The following CHODL variants were observed in gnomAD, a reference collection of about 807,000 sequenced individuals.
CHODL encodes chondrolectin.
CHODL carries 29 observed loss-of-function variants against 34.5 expected under a neutral mutation model. That is an observed-to-expected ratio of 0.84 (90% CI 0.63 to 1.15). CHODL has a LOEUF of 1.15. CHODL is among the 50% of genes most tolerant of loss of function. The probability of loss-of-function intolerance (pLI) is 0.00; values close to 1 mark genes in which losing one functional copy is unlikely to be tolerated. For missense variants in CHODL, 332 were observed against 332.5 expected, an observed-to-expected ratio of 1.00 and a Z score of 0.01; for synonymous variants, 125 against 116.1, an observed-to-expected ratio of 1.08 and a Z score of -0.49.
chr21:17,972,462 A>G (rs1346725017), intron 1 of CHODL, among the ~76,000 whole-genome samples: 1 of 152,196 alleles, frequency 6.6e-6, no homozygotes, highest in Non-Finnish European at 1.5e-5. Flanking sequence ...TACAAAATCA[A>G]TGTGCAAAAA....
At chr21:18,182,136 G>A (rs1318249811) in intron 2 of CHODL, among the ~76,000 whole-genome samples, 5 of 152,084 alleles carry the variant, frequency 3.3e-5, no homozygotes, top group Admixed American at 3.3e-4. Context: ...AACCTTTTGA[G>A]GAAGTGCTGA....
chr21:18,172,665 T>C (rs1436367499), intron 2 of CHODL, among the ~76,000 whole-genome samples: 1 of 152,194 alleles, frequency 6.6e-6, no homozygotes, highest in Non-Finnish European at 1.5e-5. Flanking sequence ...TTTTTACTAG[T>C]GTTCTTATCA....
chr21:18,255,317 CA>C (rs1422925157), intron 1 of CHODL, among the ~76,000 whole-genome samples: 2 of 151,984 alleles, frequency 1.3e-5, no homozygotes, highest in African/African-American at 2.4e-5. Flanking sequence ...TTAAGTTTAA[CA>C]AAATTCTGAG....
intron 1 of CHODL, among the ~76,000 whole-genome samples, chr21:18,246,154 A>G (rs74889189): frequency 0.052 from 7,955 of 152,274 alleles, 712 homozygotes; most frequent in African/African-American, 0.18. Context: ...GATTCTCGAC[A>G]ACCTAGGGTG....
At chr21:18,074,475 A>G (rs2064841532) in intron 2 of CHODL, among the ~76,000 whole-genome samples, 1 of 152,196 alleles carries the variant, frequency 6.6e-6, no homozygotes, top group South Asian at 2.1e-4. Flanking sequence ...TATATGAGGT[A>G]ATAACATACA....
intron 1 of CHODL, among the ~76,000 whole-genome samples, chr21:17,932,308 G>A (rs958603671): frequency 3.9e-5 from 6 of 152,166 alleles, no homozygotes; most frequent in African/African-American, 1.4e-4. Flanking sequence ...AAAAACAGCA[G>A]ATGTTTGTGA....
chr21:17,938,391 T>TAG lies in CHODL; in HGVS notation c.-145+20993_-145+20994dup, dbSNP rs753397923. Among the ~76,000 whole-genome samples the TAG allele has an allele frequency of 2.2e-4, 27 of 123,964 alleles. No homozygotes were observed. The Middle Eastern group carries it at 0.012, about 55-fold the overall frequency. 81.3% of individuals were successfully genotyped at this position (123,964 alleles called of 152,430 possible). ...AATAAAAACAGCTACTGCATATATA[T>TAG]AGATATATATATATCTGTATATAGT... On this transcript the variant is annotated intron_variant, in intron 1 of 6. Transcript: ENST00000400127.
intron 2 of CHODL, among the ~76,000 whole-genome samples, chr21:18,231,102 G>A (rs1014249953): frequency 5.3e-5 from 8 of 152,166 alleles, no homozygotes; most frequent in African/African-American, 1.7e-4. Context: ...AGTCCATTGG[G>A]GAGAATATGG....
rs1252145477 is a variant in CHODL, at chr21:18,110,635, C to G, written c.-45+82664C>G. 1.3e-5 allele frequency among the ~76,000 whole-genome samples: 2 copies of G among 152,100 alleles called. 1 individual carries two copies. The highest frequency in any genetic ancestry group is 1.3e-4 in the Admixed American group (2 of 15,252). On this transcript the variant is annotated intron_variant, in intron 2 of 6. Coordinates refer to the CHODL transcript ENST00000400127. Reference sequence around the variant, plus strand: ...AAGACTGGGGTCTTCATGACAAAAACCACAAAATAGGTTGTTATTTCATAA... The same window carrying G: ...AAGACTGGGGTCTTCATGACAAAAAGCACAAAATAGGTTGTTATTTCATAA...
In CHODL at chr21:18,071,620, T is replaced by G. The variant is rs114447832; in HGVS notation, c.-45+43649T>G. Among the ~76,000 whole-genome samples the G allele has an allele frequency of 8.1e-3, 1,238 of 152,292 alleles. 22 individuals are homozygous for G. Among genetic ancestry groups the G allele is most frequent in the African/African-American group, 0.028 (1,175 of 41,562 alleles). ...TATTTCATTTCAGGCTCAGAAAACTTAATTCTCCTATCAATAGTACTTAGA... is the reference window on the plus strand; with the variant it reads ...TATTTCATTTCAGGCTCAGAAAACTGAATTCTCCTATCAATAGTACTTAGA... On this transcript the variant is annotated intron_variant, in intron 2 of 6. Transcript: ENST00000400127.
Position 18,257,134 on chromosome 21 carries a change from A to G in CHODL, c.547+7A>G. 1 of 1,602,364 alleles carries G rather than the reference A, an allele frequency of 6.2e-7. No individual in the cohort carries two copies. The highest frequency in any genetic ancestry group is 8.5e-7 in the Non-Finnish European group (1 of 1,174,794). Reference sequence around the variant, plus strand: ...ATTTGCAAGTATGAACCAGGTAAGCAGTAGCAAAAGAAGGTATAGAAGATT... The same window carrying G: ...ATTTGCAAGTATGAACCAGGTAAGCGGTAGCAAAAGAAGGTATAGAAGATT... On this transcript the variant is annotated splice_region_variant and intron_variant, in intron 3 of 5. Transcript: ENST00000299295.
intron 1 of CHODL, among the ~76,000 whole-genome samples, chr21:17,992,896 G>A (rs1161889910): frequency 1.2e-4 from 18 of 151,866 alleles, no homozygotes; most frequent in Admixed American, 1.1e-3. Flanking sequence ...TCAGGTGATC[G>A]CTTGCCTCAG....
intron 1 of CHODL, among the ~76,000 whole-genome samples, chr21:17,954,763 C>G (rs2146345347): frequency 7.5e-6 from 1 of 133,294 alleles, no homozygotes; most frequent in African/African-American, 2.5e-5. Context: ...ACACATGTTA[C>G]AGCTCAGCCT....
rs188652365 is a variant in CHODL, at chr21:18,185,890, C to T, written c.-44-70619C>T. On this transcript the variant is annotated intron_variant, in intron 2 of 6. Transcript: ENST00000400127. ...TAGGGTCTCTCATAAAATTACTAAT[C>T]CCATTCATGAGTGTGTAACCCTAAT... Among the ~76,000 whole-genome samples the T allele has an allele frequency of 3.9e-5, 6 of 152,178 alleles. No homozygotes were observed. The South Asian group carries it at 6.2e-4, about 16-fold the overall frequency.
intron 2 of CHODL, among the ~76,000 whole-genome samples, chr21:18,206,115 T>C (rs1271635493): frequency 6.6e-6 from 1 of 152,222 alleles, no homozygotes; most frequent in African/African-American, 2.4e-5. Context: ...CTGGAATCAC[T>C]GGATAAAATG....
At chr21:18,229,376 C>T (rs1268334063) in intron 2 of CHODL, among the ~76,000 whole-genome samples, 2 of 152,110 alleles carry the variant, frequency 1.3e-5, no homozygotes, top group Non-Finnish European at 2.9e-5. Context: ...ATCTCTTCTC[C>T]AGGCCCTGAG....
At chr21:18,194,268 C>T (rs1228202482) in intron 2 of CHODL, among the ~76,000 whole-genome samples, 5 of 152,288 alleles carry the variant, frequency 3.3e-5, no homozygotes, top group Middle Eastern at 6.8e-3. Context: ...GGTTTCCAAT[C>T]GTGTTTAAAA....
At chr21:18,016,357 A>G (rs1176130907) in intron 1 of CHODL, among the ~76,000 whole-genome samples, 3 of 152,222 alleles carry the variant, frequency 2.0e-5, no homozygotes, top group African/African-American at 7.2e-5. Context: ...GGTGGCTTCC[A>G]TGTGGTATTG....
chr21:17,938,476 TTTTTTTTTTTTTTTTTTAAG>T (rs1331773860), intron 1 of CHODL, among the ~76,000 whole-genome samples: 4 of 1,326 alleles, frequency 3.0e-3, no homozygotes, highest in African/African-American at 5.2e-3. Context: ...TTTTTTTTTT[TTTTTTTTTTTTTTTTTTAAG>T]GAAAGGGAGT....
Sources: gnomAD v4.1 joint callset for allele counts (sites outside exome capture counted in the v4.1 genomes callset) on GRCh38, gnomAD v4.1.1 for gene constraint, MANE v1.5 for transcripts, NCBI Gene and HGNC (gene_info 2026-07-23, HGNC 2026-07-21) for gene names.